The following CORO2A variants were observed in gnomAD, a reference collection of about 807,000 sequenced individuals.
CORO2A encodes the protein coronin 2A, also known as coronin-2A.
A neutral mutation model predicts 62.4 loss-of-function variants in CORO2A; 47 were observed. That is an observed-to-expected ratio of 0.75 (90% CI 0.60 to 0.96). CORO2A has a LOEUF of 0.96. CORO2A is among the 40% of genes least tolerant of loss of function. The probability of loss-of-function intolerance (pLI) is 0.00; values close to 1 mark genes in which losing one functional copy is unlikely to be tolerated. For synonymous variants in CORO2A, 273 were observed against 268.9 expected (o/e 1.02, Z -0.15); for missense variants, 610 against 684.1 (o/e 0.89, Z 1.21).
intron 2 of CORO2A, among the ~76,000 whole-genome samples, chr9:98,156,917 G>C (rs915150683): frequency 2.6e-5 from 4 of 152,168 alleles, no homozygotes; most frequent in African/African-American, 9.7e-5. Context: ...CTCAGGGTTG[G>C]CATCCTGAAT....
chr9:98,189,652 G>A (rs1828280562), intron 1 of CORO2A, among the ~76,000 whole-genome samples: 1 of 152,172 alleles, frequency 6.6e-6, no homozygotes, highest in South Asian at 2.1e-4. Flanking sequence ...GTCCAGAGAG[G>A]GGAACGGATC....
chr9:98,189,049 G>A (rs945687910), intron 1 of CORO2A, among the ~76,000 whole-genome samples: 2 of 152,080 alleles, frequency 1.3e-5, no homozygotes, highest in Non-Finnish European at 2.9e-5. Context: ...ACCACACCCT[G>A]CCAATCTCTC....
At chr9:98,135,636 GGA>G (rs1249728382) in intron 3 of CORO2A, among the ~76,000 whole-genome samples, 1 of 152,160 alleles carries the variant, frequency 6.6e-6, no homozygotes. Context: ...GTATACAAAT[GGA>G]GTACAAGGTG....
At chr9:98,169,958 C>T (rs1011181077) in intron 1 of CORO2A, among the ~76,000 whole-genome samples, 1 of 152,126 alleles carries the variant, frequency 6.6e-6, no homozygotes, top group African/African-American at 2.4e-5. Context: ...CATGAGGTCC[C>T]ATCCTGACAT....
intron 1 of CORO2A, among the ~76,000 whole-genome samples, chr9:98,168,516 C>G (rs544228976): frequency 6.6e-6 from 1 of 152,204 alleles, no homozygotes; most frequent in African/African-American, 2.4e-5. Context: ...CCTAAGATCA[C>G]ATAGCTAGTT....
chr9:98,161,165 G>T (rs1827880637), intron 1 of CORO2A, among the ~76,000 whole-genome samples: 1 of 152,212 alleles, frequency 6.6e-6, no homozygotes, highest in Non-Finnish European at 1.5e-5. Context: ...GCAAGTGGCT[G>T]CCTGTGCTTG....
intron 6 of CORO2A, 49 bp downstream of exon 6, chr9:98,132,136 C>T (rs1827416903): frequency 7.3e-7 from 1 of 1,366,926 alleles, no homozygotes; most frequent in Admixed American, 1.7e-5. Context: ...ATGAATGACA[C>T]TGGCTCTCAG....
intron 1 of CORO2A, among the ~76,000 whole-genome samples, chr9:98,174,825 A>G (rs769596566): frequency 2.0e-5 from 3 of 152,086 alleles, no homozygotes; most frequent in Non-Finnish European, 2.9e-5. Context: ...TTTATAAATT[A>G]CCCAGTCTCA....
chr9:98,156,109 G>A (rs958045844), intron 2 of CORO2A, among the ~76,000 whole-genome samples: 1 of 135,762 alleles, frequency 7.4e-6, no homozygotes, highest in Non-Finnish European at 1.5e-5. Flanking sequence ...GGAGTACAGT[G>A]TTGAAAGCAT....
At chr9:98,150,910 C>A (rs912566957) in intron 2 of CORO2A, among the ~76,000 whole-genome samples, 3 of 152,200 alleles carry the variant, frequency 2.0e-5, no homozygotes, top group African/African-American at 7.2e-5. Context: ...AGGTCACATG[C>A]CTCACCCCAG....
chr9:98,172,364 A>G (rs1172089096), intron 1 of CORO2A, among the ~76,000 whole-genome samples: 2 of 48,960 alleles, frequency 4.1e-5, no homozygotes, highest in African/African-American at 1.8e-4. Flanking sequence ...GAGACCCCAC[A>G]CCCCACTTCC....
intron 6 of CORO2A, 41 bp downstream of exon 6, chr9:98,132,144 C>T: frequency 6.9e-7 from 1 of 1,443,102 alleles, no homozygotes; most frequent in Non-Finnish European, 9.8e-7. Context: ...CACTGGCTCT[C>T]AGCTGAGGGG....
chr9:98,129,813 A>G lies in CORO2A; in HGVS notation c.948T>C (p.Tyr316=), dbSNP rs752414014. ...ACTTACCGATCCCCTTCTGTGGGTT[A>G]TAGGAGCGGTACTCAGTCAGGTAGC... ...HLSYLTEYRS[Y]NPQKGIGVMP... is the part of the protein sequence containing the mutation. Residue 316 remains tyrosine, a synonymous_variant, in exon 8 of 12, where the codon TAT becomes TAC. Transcript: ENST00000375077. The G allele has an allele frequency of 1.8e-5, 29 of 1,613,638 alleles. No individual in the cohort carries two copies. The highest frequency in any genetic ancestry group is 6.7e-5 in the Admixed American group (4 of 59,994).
chr9:98,169,244 TCTCTGCA>T (rs1828001970), intron 1 of CORO2A, among the ~76,000 whole-genome samples: 2 of 152,064 alleles, frequency 1.3e-5, no homozygotes, highest in African/African-American at 4.8e-5. Context: ...CACAGATGCA[TCTCTGCA>T]GGCCCACAGG....
intron 1 of CORO2A, among the ~76,000 whole-genome samples, chr9:98,182,660 C>T (rs1588016360): frequency 2.6e-5 from 4 of 152,292 alleles, no homozygotes; most frequent in South Asian, 2.1e-4. Context: ...TTGCTGGCTG[C>T]GTGACCTTGC....
At chr9:98,189,495 T>C (rs772608209) in intron 1 of CORO2A, among the ~76,000 whole-genome samples, 2 of 152,198 alleles carry the variant, frequency 1.3e-5, no homozygotes, top group Non-Finnish European at 2.9e-5. Context: ...GCTAGCTACC[T>C]GCCTCTAAGG....
rs979481275 is a variant in CORO2A, at chr9:98,183,562, C to T, written c.-1+8997G>A. Reference sequence around the variant, plus strand: ...TGCATACATAGTTGGCCCTCTGTATCTGTGGGTCCTGCATCTGTAGATTCA... The same window carrying T: ...TGCATACATAGTTGGCCCTCTGTATTTGTGGGTCCTGCATCTGTAGATTCA... On this transcript the variant is annotated intron_variant, in intron 1 of 11. Transcript: ENST00000375077. Among the ~76,000 whole-genome samples the T allele has an allele frequency of 2.0e-5, 3 of 152,200 alleles. 1 individual carries two copies. The highest frequency in any genetic ancestry group is 4.8e-5 in the African/African-American group (2 of 41,450).
Position 98,157,624 on chromosome 9 carries a change from G to A in CORO2A, c.37C>T (p.Arg13Cys), listed in dbSNP as rs777631086. The A allele has an allele frequency of 1.1e-5, 17 of 1,613,806 alleles. No individual in the cohort carries two copies. Among genetic ancestry groups the A allele is most frequent in the African/African-American group, 6.7e-5 (5 of 74,892 alleles). Residue 13 changes from arginine to cysteine, a missense_variant, in exon 2 of 12, where the codon CGT becomes TGT. By Grantham distance (180) the Arg-to-Cys change is radical. Transcript: ENST00000375077. ...WHPQYRSSKF[R>C]HVFGKPASKE... ...CTGGCTGGTTTGCCAAAGACATGACGGAACTTGGAGCTCCGGTACTGGGGG... is the reference window on the plus strand; with the variant it reads ...CTGGCTGGTTTGCCAAAGACATGACAGAACTTGGAGCTCCGGTACTGGGGG...
intron 1 of CORO2A, among the ~76,000 whole-genome samples, chr9:98,184,109 A>G (rs1828209648): frequency 6.6e-6 from 1 of 152,198 alleles, no homozygotes; most frequent in African/African-American, 2.4e-5. Context: ...AGGGATTTGA[A>G]TATCCACAGA....
Sources: gnomAD v4.1 joint callset for allele counts (sites outside exome capture counted in the v4.1 genomes callset) on GRCh38, gnomAD v4.1.1 for gene constraint, MANE v1.5 for transcripts, NCBI Gene and HGNC (gene_info 2026-07-23, HGNC 2026-07-21) for gene names.